Variants in AMPH observed in about 807,000 individuals in gnomAD.
AMPH encodes the protein amphiphysin (Stiff-Mann syndrome with breast cancer 128kD autoantigen).
In AMPH, 49 loss-of-function variants were observed where a neutral mutation model predicts 99.1. The ratio of observed to expected loss-of-function variants is 0.49; its 90% CI spans 0.39 to 0.63. AMPH has a LOEUF of 0.63. AMPH is among the 20% of genes least tolerant of loss of function. The pLI is 0.00. For synonymous variants in AMPH, 314 were observed against 317.3 expected (o/e 0.99, Z 0.11); for missense variants, 759 against 863.4 (o/e 0.88, Z 1.52).
intron 16 of AMPH, among the ~76,000 whole-genome samples, chr7:38,418,247 A>G (rs979563290): frequency 2.6e-5 from 4 of 152,144 alleles, no homozygotes; most frequent in Non-Finnish European, 5.9e-5. Context: ...CATTTTGACT[A>G]CCCACTTACC....
chr7:38,399,655 G>T (rs1784786809), intron 17 of AMPH, among the ~76,000 whole-genome samples: 1 of 152,142 alleles, frequency 6.6e-6, no homozygotes, highest in Admixed American at 6.5e-5. Flanking sequence ...TGTTATACCT[G>T]CTAGGAAAAA....
At chr7:38,398,182 C>CAAAAAA (rs33972156) in intron 17 of AMPH, among the ~76,000 whole-genome samples, 108 of 114,738 alleles carry the variant, frequency 9.4e-4, no homozygotes, top group African/African-American at 3.4e-3. Context: ...GGTATATACT[C>CAAAAAA]AAAAAAAAAA....
chr7:38,401,315 A>T lies in AMPH; in HGVS notation c.1399-7101T>A, dbSNP rs560656711. 1.8e-4 allele frequency among the ~76,000 whole-genome samples: 28 copies of T among 152,334 alleles called. No homozygotes were observed. In the East Asian group the frequency reaches 2.5e-3, roughly 14 times the overall value. ...CTGCTCAACATTATAAGAAATTTTT[A>T]AAAAATTTCAAAAACATAGAATCAT... On this transcript the variant is annotated intron_variant, in intron 17 of 20. Coordinates refer to ENST00000356264, the MANE Select transcript of AMPH (RefSeq NM_001635.4).
chr7:38,631,365 G>T lies in AMPH; in HGVS notation c.-14C>A. The stretch of plus-strand genomic sequence containing the variant: ...GATGTCGGCCATGGCTGCGGGTCCG[G>T]GGAGCTGCGAAGAGCAGAGCGCGCA... On this transcript the variant is annotated 5_prime_UTR_variant, in exon 1 of 21. Coordinates refer to ENST00000356264, the MANE Select transcript of AMPH (RefSeq NM_001635.4). The T allele has an allele frequency of 1.3e-6, 2 of 1,542,742 alleles. No individual in the cohort carries two copies. The highest frequency in any genetic ancestry group is 2.6e-5 in the East Asian group (1 of 38,880).
chr7:38,627,387 C>CAAAAAAAAAAAAAAA (rs70977419), intron 1 of AMPH, among the ~76,000 whole-genome samples: 5 of 116,936 alleles, frequency 4.3e-5, no homozygotes, highest in African/African-American at 7.0e-5. Context: ...ACTAAAAATA[C>CAAAAAAAAAAAAAAA]AAAAAAAAAA....
At chr7:38,434,951 C>T (rs1786203142) in intron 12 of AMPH, among the ~76,000 whole-genome samples, 2 of 152,270 alleles carry the variant, frequency 1.3e-5, no homozygotes, top group Admixed American at 1.3e-4. Flanking sequence ...GAGAACATTC[C>T]AATGAATATT....
intron 20 of AMPH, among the ~76,000 whole-genome samples, chr7:38,386,254 A>C (rs1051418633): frequency 6.6e-6 from 1 of 152,230 alleles, no homozygotes; most frequent in Admixed American, 6.5e-5. Flanking sequence ...CTTAAAATAA[A>C]AGATGATAGC....
intron 7 of AMPH, among the ~76,000 whole-genome samples, chr7:38,467,640 ATG>A (rs70977407): frequency 4.8e-4 from 72 of 148,842 alleles, no homozygotes; most frequent in Middle Eastern, 3.5e-3. Context: ...CAATGGAAAT[ATG>A]TGTGTGTGTG....
chr7:38,491,630 G>T (rs911857441), intron 4 of AMPH, among the ~76,000 whole-genome samples: 1 of 152,138 alleles, frequency 6.6e-6, no homozygotes, highest in African/African-American at 2.4e-5. Context: ...TATGTTAAAC[G>T]TACAATGAAT....
chr7:38,419,058 T>C (rs1785494691), intron 16 of AMPH, among the ~76,000 whole-genome samples: 1 of 151,976 alleles, frequency 6.6e-6, no homozygotes, highest in Non-Finnish European at 1.5e-5. Context: ...ATAAGATCCT[T>C]TTCTATCACC....
At chr7:38,417,749 G>C in intron 17 of AMPH, 76 bp downstream of exon 17, 2 of 1,562,906 alleles carry the variant, frequency 1.3e-6, no homozygotes, top group Non-Finnish European at 1.7e-6. Context: ...AAAGATGAGA[G>C]CGATGCATAT....
chr7:38,551,160 A>G (rs1400337642), intron 1 of AMPH, among the ~76,000 whole-genome samples: 1 of 152,192 alleles, frequency 6.6e-6, no homozygotes, highest in Non-Finnish European at 1.5e-5. Flanking sequence ...GATTACAAGC[A>G]GGGGATTTTA....
chr7:38,466,634 T>G (rs1465858610), intron 7 of AMPH, among the ~76,000 whole-genome samples: 3 of 152,076 alleles, frequency 2.0e-5, no homozygotes, highest in East Asian at 3.8e-4. Flanking sequence ...ACAACGCTTA[T>G]GGAACCCCCG....
At chr7:38,453,159 C>T (rs1787098427) in intron 11 of AMPH, among the ~76,000 whole-genome samples, 1 of 152,140 alleles carries the variant, frequency 6.6e-6, no homozygotes, top group Non-Finnish European at 1.5e-5. Flanking sequence ...TGACTCCTCC[C>T]CAGATTAGAA....
At chr7:38,451,318 C>CAT (rs1787010929) in intron 11 of AMPH, among the ~76,000 whole-genome samples, 1 of 134,044 alleles carries the variant, frequency 7.5e-6, no homozygotes, top group Non-Finnish European at 1.5e-5. Flanking sequence ...TGTATATACA[C>CAT]ATATATACAC....
At position 38,385,423 on chromosome 7, in the gene AMPH, C is replaced by T. The variant is rs116182808; in HGVS notation, c.1981-498G>A. On this transcript the variant is annotated intron_variant, in intron 20 of 20. Transcript: ENST00000356264. Reference sequence around the variant, plus strand: ...ATATCTTATATTTCATCCCAAGCCACTTGCTCATAAGAAAGAACTCTGACC... The same window carrying T: ...ATATCTTATATTTCATCCCAAGCCATTTGCTCATAAGAAAGAACTCTGACC... 7.8e-3 allele frequency among the ~76,000 whole-genome samples: 1,185 copies of T among 152,282 alleles called. 13 individuals carry two copies. Among genetic ancestry groups the T allele is most frequent in the African/African-American group, 0.027 (1,111 of 41,562 alleles).
chr7:38,429,849 A>T lies in AMPH; in HGVS notation c.1175T>A (p.Val392Glu). The T allele has an allele frequency of 1.2e-6, 2 of 1,605,998 alleles. No individual in the cohort carries two copies. The highest frequency in any genetic ancestry group is 1.7e-6 in the Non-Finnish European group (2 of 1,178,124). Residue 392 changes from valine to glutamate, a missense_variant, in exon 14 of 21, where the codon GTA becomes GAA. Val to Glu is a moderately radical substitution (Grantham distance 121). Around this residue, in one of 2 missense-constraint regions of AMPH, gnomAD observed 554 missense variants for 575.6 expected, o/e 0.96. Transcript: ENST00000356264. ...WDLWTTSTDL[V>E]QPASGGSFNG... ...ATCTGGATATTTACCTACCGGCTGTACCAAATCAGTGCTTGTCTGTATGGG... is the reference window on the plus strand; with the variant it reads ...ATCTGGATATTTACCTACCGGCTGTTCCAAATCAGTGCTTGTCTGTATGGG...
chr7:38,528,013 T>C (rs1026870453), intron 2 of AMPH, among the ~76,000 whole-genome samples: 2 of 152,188 alleles, frequency 1.3e-5, no homozygotes, highest in Non-Finnish European at 2.9e-5. Context: ...TCATATGATT[T>C]TTTTCCTTAC....
chr7:38,412,526 C>T (rs904739792), intron 17 of AMPH, among the ~76,000 whole-genome samples: 10 of 152,240 alleles, frequency 6.6e-5, no homozygotes, highest in African/African-American at 2.4e-4. Context: ...CATCTCAAAA[C>T]AGCAGTGGCC....
Sources: gnomAD v4.1 joint callset for allele counts (sites outside exome capture counted in the v4.1 genomes callset) on GRCh38, gnomAD v4.1.1 for gene constraint, gnomAD v4.1.1 regional missense constraint, MANE v1.5 for transcripts, NCBI Gene and HGNC (gene_info 2026-07-23, HGNC 2026-07-21) for gene names.